Variants in NOL4 observed in about 807,000 individuals in gnomAD.
NOL4 encodes the protein cancer/testis antigen 125.
In NOL4, 17 loss-of-function variants were observed where a neutral mutation model predicts 75.9. The observed-to-expected ratio is 0.22, with a 90% CI of 0.15 to 0.34. The LOEUF (loss-of-function observed/expected upper bound fraction) is 0.34, where lower values mean the gene tolerates loss of function less well. Ranked by LOEUF, NOL4 falls within the 10% of genes least tolerant of loss-of-function variation. The pLI is 1.00. For missense variants in NOL4, 614 were observed against 793.5 expected, an observed-to-expected ratio of 0.77 and a Z score of 2.72; for synonymous variants, 292 against 289.9, an observed-to-expected ratio of 1.01 and a Z score of -0.07.
At chr18:33,967,349 C>A (rs936672420) in intron 6 of NOL4, among the ~76,000 whole-genome samples, 1 of 152,050 alleles carries the variant, frequency 6.6e-6, no homozygotes, top group Non-Finnish European at 1.5e-5. Context: ...AATGTAAGAT[C>A]TCAAACTATA....
intron 5 of NOL4, among the ~76,000 whole-genome samples, chr18:34,039,864 A>G (rs564885625): frequency 1.3e-5 from 2 of 151,992 alleles, no homozygotes; most frequent in African/African-American, 2.4e-5. Context: ...GCACCCATAC[A>G]ACCATTCTGT....
chr18:33,937,741 T>C (rs1434334619), intron 9 of NOL4, among the ~76,000 whole-genome samples: 2 of 152,086 alleles, frequency 1.3e-5, no homozygotes, highest in Non-Finnish European at 2.9e-5. Flanking sequence ...GTGACACAGC[T>C]AAGGAAATCT....
intron 5 of NOL4, among the ~76,000 whole-genome samples, chr18:34,070,849 AAAAAT>A (rs1379189738): frequency 6.6e-6 from 1 of 151,750 alleles, no homozygotes; most frequent in Non-Finnish European, 1.5e-5. Flanking sequence ...TATTATAAGC[AAAAAT>A]AACAATATAA....
intron 2 of NOL4, among the ~76,000 whole-genome samples, chr18:34,123,392 G>C (rs1218490729): frequency 7.9e-5 from 12 of 151,266 alleles, no homozygotes; most frequent in Non-Finnish European, 1.6e-4. Context: ...CTAATATTTA[G>C]AAATCACTTG....
Position 33,883,248 on chromosome 18 carries a change from G to A in NOL4, c.1719C>T (p.Ser573=). ...GGLLNLNDAS[S]SGPTDLSMKR... Reference sequence around the variant, plus strand: ...CAATCTATGATAAATACTCACCACTGCTGGAAGCATCATTCAGATTTAGCA... The same window carrying A: ...CAATCTATGATAAATACTCACCACTACTGGAAGCATCATTCAGATTTAGCA... The change falls in exon 10 of 11, where the codon AGC becomes AGT. Residue 573 remains serine (S), a synonymous_variant. Transcript: ENST00000261592. 2 of 1,587,500 alleles carry A rather than the reference G, an allele frequency of 1.3e-6. No homozygotes were observed. Among genetic ancestry groups the A allele is most frequent in the Non-Finnish European group, 1.7e-6 (2 of 1,169,822 alleles).
At chr18:34,116,522 G>A (rs557838321) in intron 2 of NOL4, among the ~76,000 whole-genome samples, 375 of 152,224 alleles carry the variant, frequency 2.5e-3, no homozygotes, top group Non-Finnish European at 4.2e-3. Flanking sequence ...AATTTTAAAA[G>A]CAATCACAAG....
At chr18:33,915,300 G>T (rs1321201227) in intron 9 of NOL4, among the ~76,000 whole-genome samples, 2 of 152,098 alleles carry the variant, frequency 1.3e-5, no homozygotes, top group South Asian at 4.1e-4. Context: ...TCAAAGGAGA[G>T]AATTTGGCAA....
chr18:34,192,037 G>A (rs965545747), intron 1 of NOL4, among the ~76,000 whole-genome samples: 1 of 152,128 alleles, frequency 6.6e-6, no homozygotes, highest in Admixed American at 6.5e-5. Context: ...TAAGCTATCA[G>A]ATGTACATCT....
chr18:34,105,531 C>T (rs1482112330), intron 2 of NOL4, among the ~76,000 whole-genome samples: 2 of 151,888 alleles, frequency 1.3e-5, no homozygotes, highest in Non-Finnish European at 2.9e-5. Flanking sequence ...AATTTGTATC[C>T]AATTTTAAAT....
intron 1 of NOL4, among the ~76,000 whole-genome samples, chr18:34,179,658 G>T (rs1382282390): frequency 6.6e-6 from 1 of 151,528 alleles, no homozygotes; most frequent in South Asian, 2.1e-4. Context: ...AAAACTAATT[G>T]CTATGGCCTA....
rs1169459774 is a variant in NOL4, at chr18:34,180,559, C to T, written c.264+42431G>A. Among the ~76,000 whole-genome samples, 6 of 151,474 alleles carry T rather than the reference C, an allele frequency of 4.0e-5. No homozygotes were observed. The East Asian group carries it at 9.7e-4, about 24-fold the overall frequency. Reference sequence around the variant, plus strand: ...TATCCCCCCAAGATCAGGAAGGAGACAAGAGTGTATGCTTCTGTCACTTCT... The same window carrying T: ...TATCCCCCCAAGATCAGGAAGGAGATAAGAGTGTATGCTTCTGTCACTTCT... On this transcript the variant is annotated intron_variant, in intron 1 of 10. Coordinates refer to ENST00000261592, the MANE Select transcript of NOL4 (RefSeq NM_003787.5).
intron 5 of NOL4, among the ~76,000 whole-genome samples, chr18:34,077,835 C>T (rs922862884): frequency 1.3e-5 from 2 of 152,046 alleles, no homozygotes; most frequent in African/African-American, 4.8e-5. Context: ...CTTTCTGTGA[C>T]CTAAAACAGT....
intron 1 of NOL4, among the ~76,000 whole-genome samples, chr18:34,213,375 C>T (rs1418362920): frequency 2.6e-5 from 4 of 152,116 alleles, no homozygotes; most frequent in African/African-American, 7.2e-5. Flanking sequence ...CTGCAACCTC[C>T]GCCTCCCGGC....
chr18:34,148,714 G>C (rs545340197), intron 1 of NOL4, among the ~76,000 whole-genome samples: 5 of 152,110 alleles, frequency 3.3e-5, no homozygotes, highest in Non-Finnish European at 5.9e-5. Flanking sequence ...GAGTTCTGTA[G>C]ATGTCTATTA....
chr18:33,872,113 T>G (rs2063728716), intron 10 of NOL4, among the ~76,000 whole-genome samples: 1 of 152,030 alleles, frequency 6.6e-6, no homozygotes, highest in South Asian at 2.1e-4. Context: ...TTATAGGTCA[T>G]TATCATACTA....
intron 5 of NOL4, among the ~76,000 whole-genome samples, chr18:34,069,261 G>A (rs1284640416): frequency 6.6e-6 from 1 of 152,130 alleles, no homozygotes; most frequent in African/African-American, 2.4e-5. Context: ...AAAATTCATT[G>A]GATCCCTTTT....
chr18:34,047,463 T>C (rs2076433108), intron 5 of NOL4, among the ~76,000 whole-genome samples: 1 of 152,092 alleles, frequency 6.6e-6, no homozygotes, highest in South Asian at 2.1e-4. Context: ...ATTTTCATCA[T>C]GAATATTTTA....
intron 6 of NOL4, among the ~76,000 whole-genome samples, chr18:34,012,400 A>AT (rs908039647): frequency 6.6e-6 from 1 of 151,868 alleles, no homozygotes; most frequent in African/African-American, 2.4e-5. Flanking sequence ...GTATCATTTT[A>AT]TTTTTAAAAA....
chr18:34,129,772 T>C, intron 2 of NOL4, 99 bp downstream of exon 2: 1 of 1,166,314 alleles, frequency 8.6e-7, no homozygotes, highest in Non-Finnish European at 1.2e-6. Context: ...TAATTTATGT[T>C]GAAGATAGAA....
Sources: gnomAD v4.1 joint callset for allele counts (sites outside exome capture counted in the v4.1 genomes callset) on GRCh38, gnomAD v4.1.1 for gene constraint, MANE v1.5 for transcripts, NCBI Gene and HGNC (gene_info 2026-07-23, HGNC 2026-07-21) for gene names.